IQSEC1: variants seen among roughly 807,000 people sequenced by gnomAD.
The protein encoded by IQSEC1 is IQ motif and Sec7 domain ArfGEF 1.
In IQSEC1, 31 loss-of-function variants were observed where a neutral mutation model predicts 91.0. The observed-to-expected ratio is 0.34, with a 90% confidence interval of 0.26 to 0.46. The LOEUF is 0.46. Ranked by LOEUF, IQSEC1 falls within the 20% of genes least tolerant of loss-of-function variation. IQSEC1 has a pLI of 1.00. For synonymous variants in IQSEC1, 699 were observed against 662.6 expected, an observed-to-expected ratio of 1.05 and a Z score of -0.84; for missense variants, 1,388 against 1,575.6, an observed-to-expected ratio of 0.88 and a Z score of 2.02.
chr3:13,065,584 A>G (rs1009513892), intron 1 of IQSEC1, among the ~76,000 whole-genome samples: 2 of 152,224 alleles, frequency 1.3e-5, no homozygotes, highest in African/African-American at 4.8e-5. Flanking sequence ...ACAGAAAGTA[A>G]TGAGTGATGG....
chr3:13,140,126 C>A (rs1045637037), intron 2 of IQSEC1, among the ~76,000 whole-genome samples: 1 of 152,216 alleles, frequency 6.6e-6, no homozygotes, highest in Non-Finnish European at 1.5e-5. Flanking sequence ...ATTCCTCCTT[C>A]CAACCCGCTC....
chr3:12,920,073 G>A (rs1575906499), intron 6 of IQSEC1, among the ~76,000 whole-genome samples: 1 of 152,218 alleles, frequency 6.6e-6, no homozygotes, highest in East Asian at 1.9e-4. Flanking sequence ...TCCATTTACA[G>A]TAGCGATATC....
chr3:13,192,829 C>T (rs1381128482), intron 1 of IQSEC1, among the ~76,000 whole-genome samples: 1 of 152,248 alleles, frequency 6.6e-6, no homozygotes, highest in African/African-American at 2.4e-5. Flanking sequence ...CTTGCTGGGG[C>T]CCTGCTCAGT....
At chr3:13,263,420 T>C (rs1293534432) in intron 1 of IQSEC1, among the ~76,000 whole-genome samples, 5 of 109,700 alleles carry the variant, frequency 4.6e-5, no homozygotes, top group African/African-American at 1.7e-4. Flanking sequence ...CCTGACACTT[T>C]TTTTTTTGGG....
chr3:13,124,332 A>G (rs971221169), intron 2 of IQSEC1, among the ~76,000 whole-genome samples: 1 of 152,096 alleles, frequency 6.6e-6, no homozygotes, highest in African/African-American at 2.4e-5. Flanking sequence ...TATGCCTCCA[A>G]AGTAGAGAAT....
chr3:13,181,143 C>T (rs1334792024), intron 1 of IQSEC1, among the ~76,000 whole-genome samples: 2 of 152,258 alleles, frequency 1.3e-5, no homozygotes, highest in East Asian at 1.9e-4. Flanking sequence ...TGGTGGCGGG[C>T]GCCTGTAGTC....
chr3:12,905,149 G>T (rs1332555951), intron 12 of IQSEC1, among the ~76,000 whole-genome samples: 2 of 152,250 alleles, frequency 1.3e-5, no homozygotes, highest in Non-Finnish European at 2.9e-5. Context: ...TTCACCGGCT[G>T]ATGAAGTCAG....
intron 1 of IQSEC1, among the ~76,000 whole-genome samples, chr3:12,996,700 C>T (rs1702239284): frequency 6.6e-6 from 1 of 152,028 alleles, no homozygotes; most frequent in African/African-American, 2.4e-5. Flanking sequence ...AATACATAAA[C>T]AGGTCTTTCA....
intron 1 of IQSEC1, among the ~76,000 whole-genome samples, chr3:13,184,467 T>A (rs537074814): frequency 6.6e-6 from 1 of 152,312 alleles, no homozygotes; most frequent in South Asian, 2.1e-4. Flanking sequence ...CTCAGCCTGA[T>A]AAAGGGATCT....
intron 1 of IQSEC1, among the ~76,000 whole-genome samples, chr3:13,224,325 G>A (rs188484524): frequency 3.3e-5 from 5 of 152,210 alleles, no homozygotes; most frequent in East Asian, 1.9e-4. Flanking sequence ...ATCAGGCCCC[G>A]AGAGGAAGGG....
At chr3:13,241,537 G>C (rs1222742537) in intron 1 of IQSEC1, among the ~76,000 whole-genome samples, 2 of 152,184 alleles carry the variant, frequency 1.3e-5, no homozygotes, top group Non-Finnish European at 1.5e-5. Flanking sequence ...CCTCTCCCTC[G>C]GGGACTGGTT....
intron 1 of IQSEC1, among the ~76,000 whole-genome samples, chr3:13,250,079 C>T (rs536185969): frequency 6.6e-6 from 1 of 152,362 alleles, no homozygotes; most frequent in East Asian, 1.9e-4. Context: ...CACAGCACGG[C>T]TCCACGTTTC....
At position 13,154,462 on chromosome 3, in the gene IQSEC1, T is replaced by TATAC. The variant is rs1553569716; in HGVS notation, c.302+9641_302+9642insGTAT. ...GCATATATATATATATATATATATATATATATATATATATGCAAAAACTGA... is the reference window on the plus strand; with the variant it reads ...GCATATATATATATATATATATATATATACATATATATATATATGCAAAAACTGA... On this transcript the variant is annotated intron_variant, in intron 2 of 15. Transcript: ENST00000648114. 1.0e-4 allele frequency among the ~76,000 whole-genome samples: 12 copies of TATAC among 116,434 alleles called. 3 individuals carry two copies. The highest frequency in any genetic ancestry group is 3.4e-4 in the African/African-American group (10 of 29,384). The allele number at this position is 116,434 out of a possible 152,430, so 76.4% of individuals were successfully genotyped here. A position where few individuals can be genotyped will look rare whatever the true frequency, so the allele number is the denominator to read the frequency against.
chr3:13,167,828 C>T (rs1693527831), intron 1 of IQSEC1, among the ~76,000 whole-genome samples: 1 of 152,240 alleles, frequency 6.6e-6, no homozygotes, highest in South Asian at 2.1e-4. Context: ...ACTTGAACCT[C>T]TGGAAAACTG....
rs112958584 is a variant in IQSEC1, at chr3:13,144,884, A to G, written c.302+19220T>C. On this transcript the variant is annotated intron_variant, in intron 2 of 15. Transcript: ENST00000648114. Reference sequence around the variant, plus strand: ...AGCGCTTGGGCCGAAGCGAATCCACAGGCTTTTGATGGCGAGAGACTCTGG... The same window carrying G: ...AGCGCTTGGGCCGAAGCGAATCCACGGGCTTTTGATGGCGAGAGACTCTGG... Among the ~76,000 whole-genome samples the G allele has an allele frequency of 3.0e-3, 455 of 152,318 alleles. 5 individuals are homozygous for G. Among genetic ancestry groups the G allele is most frequent in the African/African-American group, 0.011 (441 of 41,578 alleles).
At position 12,920,592 on chromosome 3, in the gene IQSEC1, G is replaced by A. The variant is rs752940157; in HGVS notation, c.1858C>T (p.Arg620Cys). Residue 620 changes from arginine (R) to cysteine (C), a missense_variant, in exon 6 of 14, where the codon CGC becomes TGC. Coordinates refer to ENST00000613206, the MANE Select transcript of IQSEC1 (RefSeq NM_001134382.3). ...ACCCCAGGGTTGCAGATGCAGTAGCGCTGGCTGCGGGCCGGGAGGGAGGGG... is the reference window on the plus strand; with the variant it reads ...ACCCCAGGGTTGCAGATGCAGTAGCACTGGCTGCGGGCCGGGAGGGAGGGG... ...VERLIEAFSQ[R>C]YCICNPGVVR... 7 of 1,613,698 alleles carry A rather than the reference G, an allele frequency of 4.3e-6. No homozygotes were observed. The highest frequency in any genetic ancestry group is 2.2e-5 in the East Asian group (1 of 44,880).
At chr3:13,240,585 C>T (rs1323882043) in intron 1 of IQSEC1, among the ~76,000 whole-genome samples, 1 of 152,092 alleles carries the variant, frequency 6.6e-6, no homozygotes, top group Non-Finnish European at 1.5e-5. Flanking sequence ...GTCTCACGGG[C>T]TGCAGTAAAC....
chr3:13,248,153 C>A (rs899900670), intron 1 of IQSEC1, among the ~76,000 whole-genome samples: 21 of 152,244 alleles, frequency 1.4e-4, no homozygotes, highest in Non-Finnish European at 2.5e-4. Flanking sequence ...AGGGCAAGCT[C>A]TGGGCTTGGA....
intron 1 of IQSEC1, among the ~76,000 whole-genome samples, chr3:13,278,880 G>C (rs946664867): frequency 2.0e-5 from 3 of 152,176 alleles, no homozygotes; most frequent in African/African-American, 7.2e-5. Flanking sequence ...GACCATCTGA[G>C]TACAAATCCT....
Sources: allele counts gnomAD v4.1 joint callset (sites outside exome capture counted in the v4.1 genomes callset), GRCh38; gene constraint gnomAD v4.1.1; transcripts MANE v1.5; gene names NCBI Gene and HGNC (gene_info 2026-07-23, HGNC 2026-07-21).